The following ARHGEF18 variants were observed in gnomAD, a reference collection of about 807,000 sequenced individuals.
ARHGEF18 encodes the protein Rho/Rac guanine nucleotide exchange factor 18.
Under a neutral mutation model 155.7 loss-of-function variants are expected in ARHGEF18, and 93 were observed. The ratio of observed to expected loss-of-function variants is 0.60; its 90% CI spans 0.50 to 0.71. ARHGEF18 has a LOEUF of 0.71. Among genes scored for constraint, ARHGEF18 ranks in the 30% least tolerant of loss-of-function variants. ARHGEF18 has a pLI of 0.00. For synonymous variants in ARHGEF18, 742 were observed against 753.1 expected, an observed-to-expected ratio of 0.99 and a Z score of 0.24; for missense variants, 1,593 against 1,816.1, an observed-to-expected ratio of 0.88 and a Z score of 2.23.
intron 10 of ARHGEF18, among the ~76,000 whole-genome samples, chr19:7,385,443 C>CATTATTATTATT (rs142755963): frequency 1.1e-4 from 15 of 136,664 alleles, no homozygotes; most frequent in Non-Finnish European, 1.3e-4. Flanking sequence ...CTGGGAACTT[C>CATTATTATTATT]ATTATTATTA....
chr19:7,467,410 G>T lies in ARHGEF18; in HGVS notation c.3206G>T (p.Arg1069Leu). ...AGCCAGCTGCGGCACGAGCAGCAGC[G>T]CTGGGAGCGCGAGCGCCAGTGGCAG... Reference protein sequence around the residue: ...LQSQLRHEQQRWERERQWQHQ... With the variant: ...LQSQLRHEQQLWERERQWQHQ... The change falls in exon 26 of 29, where the codon CGC becomes CTC. Residue 1069 changes from arginine (R) to leucine (L), a missense_variant. Physicochemically the swap from Arg to Leu is moderately radical, Grantham distance 102. Coordinates refer to ENST00000668164, the MANE Select transcript of ARHGEF18 (RefSeq NM_001367823.1). The T allele has an allele frequency of 6.5e-7, 1 of 1,532,710 alleles. No individual in the cohort carries two copies. The allele number at this position is 1,532,710 out of a possible 1,614,324, so 94.9% of individuals were successfully genotyped here. A position where few individuals can be genotyped will look rare whatever the true frequency, so the allele number is the denominator to read the frequency against.
At chr19:7,381,210 T>C (rs1372013333) in intron 8 of ARHGEF18, among the ~76,000 whole-genome samples, 1 of 151,728 alleles carries the variant, frequency 6.6e-6, no homozygotes, top group East Asian at 1.9e-4. Context: ...GTAAGCAGGG[T>C]TCTGACGGAA....
chr19:7,479,511 C>T, the ARHGEF18 span, among the ~76,000 whole-genome samples: 7 of 152,152 alleles, frequency 4.6e-5, no homozygotes, highest in African/African-American at 1.4e-4. Flanking sequence ...CCCTGGGCGC[C>T]GGACCCAGGC....
At chr19:7,455,278 G>A (rs1228203198) in intron 17 of ARHGEF18, among the ~76,000 whole-genome samples, 2 of 152,206 alleles carry the variant, frequency 1.3e-5, no homozygotes, top group East Asian at 1.9e-4. Flanking sequence ...CAGTCACTGG[G>A]CTGAAAGAGA....
intron 1 of ARHGEF18, among the ~76,000 whole-genome samples, chr19:7,362,155 G>GAGGAGAAGGAGGAGAAGA (rs1969634505): frequency 2.7e-5 from 1 of 37,610 alleles, no homozygotes; most frequent in East Asian, 8.9e-4. Flanking sequence ...GAAGGAGAAG[G>GAGGAGAAGGAGGAGAAGA]AGGAGAAGAA....
At chr19:7,420,253 C>T (rs978753271) in intron 10 of ARHGEF18, among the ~76,000 whole-genome samples, 4 of 152,068 alleles carry the variant, frequency 2.6e-5, no homozygotes, top group African/African-American at 7.2e-5. Context: ...TATGCCACCA[C>T]GGCCAGCTGA....
intron 10 of ARHGEF18, among the ~76,000 whole-genome samples, chr19:7,394,528 C>A (rs371972013): frequency 6.6e-6 from 1 of 152,048 alleles, no homozygotes; most frequent in East Asian, 1.9e-4. Context: ...ACACCCCCAG[C>A]TCCACTGTCC....
rs749191251 is a variant in ARHGEF18 at position 7,447,119 on chromosome 19, A to G, written c.1688A>G (p.His563Arg). The G allele has an allele frequency of 1.2e-6, 2 of 1,613,784 alleles. No homozygotes were observed. The highest frequency in any genetic ancestry group is 2.2e-5 in the East Asian group (1 of 44,876). ...FCSGHNEAVS[H>R]YKLLLQQNKK... ...AGTGGCCACAATGAAGCTGTTAGTC[A>G]TTACAAGTTGCTGCTTCAGCAAAAC... The change falls in exon 15 of 29, where the codon CAT (histidine) becomes CGT (arginine). Residue 563 changes from histidine to arginine, a missense_variant. By Grantham distance (29) the His-to-Arg change is conservative (BLOSUM62 0). Transcript: ENST00000668164.
rs138004526 is a variant in ARHGEF18 at position 7,384,498 on chromosome 19, C to T, written c.967+1295C>T. ...ATTTGTTGGCTTTACCTGCTTCAGG[C>T]GTGGGAATTTTCCTTCTTTCTCATT... On this transcript the variant is annotated intron_variant, in intron 10 of 28. Transcript: ENST00000668164. Among the ~76,000 whole-genome samples, 533 of 152,274 alleles carry T rather than the reference C, an allele frequency of 3.5e-3. 2 individuals carry two copies. Among genetic ancestry groups the T allele is most frequent in the African/African-American group, 0.012 (506 of 41,554 alleles).
intron 1 of ARHGEF18, among the ~76,000 whole-genome samples, chr19:7,359,143 G>A (rs560614070): frequency 6.6e-6 from 1 of 152,242 alleles, no homozygotes; most frequent in East Asian, 1.9e-4. Context: ...GAGGTAAGAG[G>A]ACAGGCTGAG....
At chr19:7,419,992 C>T (rs1351641438) in intron 10 of ARHGEF18, among the ~76,000 whole-genome samples, 1 of 145,262 alleles carries the variant, frequency 6.9e-6, no homozygotes. Context: ...CACTCGGCCT[C>T]CACACCCACA....
intron 10 of ARHGEF18, among the ~76,000 whole-genome samples, chr19:7,416,461 C>T (rs751696984): frequency 1.3e-5 from 2 of 151,048 alleles, no homozygotes; most frequent in Non-Finnish European, 2.9e-5. Flanking sequence ...GACCTTCAAA[C>T]GTAGTGCTGC....
At chr19:7,422,007 G>A (rs536368205) in intron 10 of ARHGEF18, among the ~76,000 whole-genome samples, 2 of 151,938 alleles carry the variant, frequency 1.3e-5, no homozygotes, top group Admixed American at 1.3e-4. Context: ...CGTGTTTACC[G>A]GGGCACCAAG....
intron 15 of ARHGEF18, among the ~76,000 whole-genome samples, chr19:7,450,456 T>C (rs1975313182): frequency 2.5e-4 from 1 of 4,004 alleles, no homozygotes; most frequent in Admixed American, 2.3e-3. Flanking sequence ...TCCGAGATGT[T>C]AATACAGGAT....
chr19:7,409,430 CT>C (rs55893809), intron 10 of ARHGEF18, among the ~76,000 whole-genome samples: 13,094 of 120,938 alleles, frequency 0.11, 1,004 homozygotes, highest in African/African-American at 0.25. Flanking sequence ...AATGAAGAGT[CT>C]TTTTTTTTTT....
At chr19:7,399,006 A>G (rs1024116904) in intron 10 of ARHGEF18, among the ~76,000 whole-genome samples, 12 of 152,184 alleles carry the variant, frequency 7.9e-5, no homozygotes, top group African/African-American at 2.9e-4. Flanking sequence ...TCATGTTTCT[A>G]TCTCTTCAAA....
intron 2 of ARHGEF18, among the ~76,000 whole-genome samples, chr19:7,365,017 C>T (rs769278901): frequency 2.6e-5 from 4 of 152,154 alleles, no homozygotes; most frequent in Non-Finnish European, 4.4e-5. Flanking sequence ...TGGTTTTCCA[C>T]AACATCCGCT....
At chr19:7,405,929 T>A (rs1347772630) in intron 10 of ARHGEF18, among the ~76,000 whole-genome samples, 1 of 152,164 alleles carries the variant, frequency 6.6e-6, no homozygotes, top group Non-Finnish European at 1.5e-5. Flanking sequence ...TAGAACAAGT[T>A]TACAAGCTAT....
At chr19:7,430,104 C>A (rs1175162383) in intron 10 of ARHGEF18, among the ~76,000 whole-genome samples, 1 of 152,136 alleles carries the variant, frequency 6.6e-6, no homozygotes, top group Non-Finnish European at 1.5e-5. Context: ...AACTCCCAGG[C>A]TTTATCCAAA....
Sources: gnomAD v4.1 joint callset for allele counts (sites outside exome capture counted in the v4.1 genomes callset) on GRCh38, gnomAD v4.1.1 for gene constraint, MANE v1.5 for transcripts, NCBI Gene and HGNC (gene_info 2026-07-23, HGNC 2026-07-21) for gene names.